The following OR51C1 variants were observed in gnomAD, a reference collection of about 807,000 sequenced individuals.
OR51C1 encodes the protein olfactory receptor OR51C1.
chr11:4,692,154 A>T, the OR51C1 span: 26 of 452,864 alleles, frequency 5.7e-5, no homozygotes, highest in Admixed American at 6.0e-4. Flanking sequence ...CAGCAATATT[A>T]CATTGGTCAT....
the OR51C1 span, among the ~76,000 whole-genome samples, chr11:4,693,881 A>G: frequency 6.6e-6 from 1 of 152,168 alleles, no homozygotes; most frequent in Non-Finnish European, 1.5e-5. Context: ...CCCCACTTAG[A>G]GAGTTTATAA....
At chr11:4,692,557 A>G in the OR51C1 span, among the ~76,000 whole-genome samples, 2 of 152,346 alleles carry the variant, frequency 1.3e-5, no homozygotes, top group Admixed American at 1.3e-4. Context: ...TATTGCAAAC[A>G]TCACATTTCT....
At chr11:4,694,490 A>G in the OR51C1 span, among the ~76,000 whole-genome samples, 5 of 143,416 alleles carry the variant, frequency 3.5e-5, no homozygotes, top group East Asian at 7.8e-4. Context: ...ATATACGTGT[A>G]TATATATATA....
the OR51C1 span, among the ~76,000 whole-genome samples, chr11:4,695,759 G>A: frequency 7.1e-6 from 1 of 141,580 alleles, no homozygotes; most frequent in African/African-American, 2.6e-5. Flanking sequence ...TAGCTTCAGT[G>A]ATGGTTATTC....
the OR51C1 span, among the ~76,000 whole-genome samples, chr11:4,693,724 A>AAAAC: frequency 1.1e-4 from 16 of 152,108 alleles, 1 homozygote; most frequent in African/African-American, 2.7e-4. Flanking sequence ...TCCGTTTCAA[A>AAAAC]AAACAAACAA....
chr11:4,695,751 G>T, the OR51C1 span, among the ~76,000 whole-genome samples: 1 of 149,528 alleles, frequency 6.7e-6, no homozygotes, highest in Non-Finnish European at 1.5e-5. Flanking sequence ...TCCTTCATTA[G>T]CTTCAGTGAT....
At chr11:4,691,300 C>T in the OR51C1 span, 1 of 457,342 alleles carries the variant, frequency 2.2e-6, no homozygotes, top group Non-Finnish European at 4.4e-6. Context: ...AAAATCATGG[C>T]ATACCTAAGG....
At chr11:4,691,451 C>T in the OR51C1 span, 5 of 456,756 alleles carry the variant, frequency 1.1e-5, no homozygotes, top group East Asian at 2.8e-4. Context: ...AGAATATACT[C>T]AGCATGGTGA....
the OR51C1 span, among the ~76,000 whole-genome samples, chr11:4,697,211 T>C: frequency 6.6e-6 from 1 of 152,196 alleles, no homozygotes; most frequent in Non-Finnish European, 1.5e-5. Flanking sequence ...AAGCTCGTGC[T>C]CTCAAAAACA....
At chr11:4,697,170 T>C in the OR51C1 span, among the ~76,000 whole-genome samples, 115 of 152,198 alleles carry the variant, frequency 7.6e-4, no homozygotes, top group Non-Finnish European at 1.5e-3. Context: ...AAGTCAGAGC[T>C]GAATTTTTAA....
chr11:4,691,107 G>A, the OR51C1 span: 1 of 456,702 alleles, frequency 2.2e-6, no homozygotes, highest in Admixed American at 2.3e-5. Context: ...CAGCCCAACT[G>A]CACTGTTGAT....
chr11:4,695,481 A>G, the OR51C1 span, among the ~76,000 whole-genome samples: 4 of 152,228 alleles, frequency 2.6e-5, no homozygotes, highest in Admixed American at 6.5e-5. Flanking sequence ...GATACAAGAC[A>G]TAAGCCCTGT....
chr11:4,693,367 T>G, the OR51C1 span, among the ~76,000 whole-genome samples: 1 of 152,206 alleles, frequency 6.6e-6, no homozygotes, highest in Non-Finnish European at 1.5e-5. Flanking sequence ...GCTTGAAAGA[T>G]TTCTGTGTTT....
chr11:4,690,647 T>C, the OR51C1 span: 2 of 317,310 alleles, frequency 6.3e-6, no homozygotes, highest in South Asian at 2.7e-5. Context: ...AATGATTATG[T>C]GCTTAGCTTC....
At chr11:4,693,447 C>T in the OR51C1 span, among the ~76,000 whole-genome samples, 1 of 152,290 alleles carries the variant, frequency 6.6e-6, no homozygotes, top group Middle Eastern at 3.4e-3. Flanking sequence ...GCAGGCTGGG[C>T]GCGGTGGCTC....
chr11:4,691,138 G>A, the OR51C1 span: 4 of 456,636 alleles, frequency 8.8e-6, no homozygotes, highest in East Asian at 2.1e-4. Context: ...GTGCATGAGA[G>A]CTTCATCACA....
chr11:4,691,362 G>A, the OR51C1 span: 1 of 457,912 alleles, frequency 2.2e-6, no homozygotes, highest in Non-Finnish European at 4.4e-6. Context: ...CAGCACTGAG[G>A]ATTCCATGAC....
At chr11:4,697,487 G>A in the OR51C1 span, among the ~76,000 whole-genome samples, 11 of 152,238 alleles carry the variant, frequency 7.2e-5, no homozygotes, top group East Asian at 7.7e-4. Flanking sequence ...CATTCTCTAC[G>A]TATTTCCTGG....
At chr11:4,693,296 C>T in the OR51C1 span, among the ~76,000 whole-genome samples, 1 of 152,118 alleles carries the variant, frequency 6.6e-6, no homozygotes, top group Non-Finnish European at 1.5e-5. Flanking sequence ...AAAGGAATTA[C>T]CAGAAAGAGA....
Sources: gnomAD v4.1 joint callset for allele counts (sites outside exome capture counted in the v4.1 genomes callset) on GRCh38, gnomAD v4.1.1 for gene constraint, MANE v1.5 for transcripts, NCBI Gene and HGNC (gene_info 2026-07-23, HGNC 2026-07-21) for gene names.